EBAG9: variants seen among roughly 807,000 people sequenced by gnomAD.
EBAG9 encodes receptor-binding cancer antigen expressed on SiSo cells.
Under a neutral mutation model 30.9 loss-of-function variants are expected in EBAG9, and 16 were observed. The observed-to-expected ratio is 0.52, with a 90% CI of 0.35 to 0.79. The LOEUF is 0.79. EBAG9 is among the 30% of genes least tolerant of loss of function. EBAG9 has a pLI of 0.01. For missense variants in EBAG9, 197 were observed against 242.1 expected (o/e 0.81, Z 1.24); for synonymous variants, 93 against 82.8 (o/e 1.12, Z -0.67).
chr8:109,558,005 C>T (rs755495138), intron 5 of EBAG9: 1 of 169,812 alleles, frequency 5.9e-6, no homozygotes, highest in Non-Finnish European at 1.3e-5. Context: ...ATAAGTGATA[C>T]ACTGTCACTT....
chr8:109,564,358 G>A, intron 6 of EBAG9, 81 bp from the exon 7 acceptor site: 7 of 1,518,884 alleles, frequency 4.6e-6, no homozygotes, highest in Non-Finnish European at 5.3e-6. Flanking sequence ...TAATAAAAAG[G>A]CACTGCTATT....
intron 1 of EBAG9, among the ~76,000 whole-genome samples, chr8:109,548,929 C>A (rs1287904896): frequency 1.5e-5 from 2 of 135,492 alleles, no homozygotes; most frequent in Non-Finnish European, 3.1e-5. Flanking sequence ...GCCAGAACTT[C>A]CACTACGATG....
chr8:109,539,735 G>A (rs1348160514), upstream of EBAG9: 1 of 152,460 alleles, frequency 6.6e-6, no homozygotes. Context: ...CATGGCAGCT[G>A]CGCAGAGGCA....
chr8:109,544,589 T>C (rs1462188123), intron 1 of EBAG9, among the ~76,000 whole-genome samples: 3 of 152,264 alleles, frequency 2.0e-5, no homozygotes, highest in East Asian at 1.9e-4. Context: ...TCTGAATACA[T>C]AGTAATTCTC....
rs773684977 is a variant in EBAG9 at position 109,553,914 on chromosome 8, A to G, written c.133A>G (p.Thr45Ala). 1.9e-6 allele frequency: 3 copies of G among 1,609,560 alleles called. No homozygotes were observed. The highest frequency in any genetic ancestry group is 2.2e-5 in the South Asian group (2 of 89,446). The change falls in exon 3 of 7, where the codon ACA (threonine) becomes GCA (alanine). Residue 45 changes from threonine (T) to alanine (A), a missense_variant. By Grantham distance (58) the Thr-to-Ala change is moderately conservative. Transcript: ENST00000337573. Reference sequence around the variant, plus strand: ...TGGAGACCAAATAACTTTGCCAACTACAGTTGATTATTCATCAGTTCCTAA... The same window carrying G: ...TGGAGACCAAATAACTTTGCCAACTGCAGTTGATTATTCATCAGTTCCTAA... ...LSGDQITLPTTVDYSSVPKQT... is the reference protein window; with the variant it reads ...LSGDQITLPTAVDYSSVPKQT...
chr8:109,547,707 C>T (rs1249798069), intron 1 of EBAG9, among the ~76,000 whole-genome samples: 2 of 152,056 alleles, frequency 1.3e-5, no homozygotes, highest in African/African-American at 4.8e-5. Flanking sequence ...GTCTTGATCT[C>T]CTGACCTCGT....
intron 3 of EBAG9, 131 bp downstream of exon 3, chr8:109,554,074 A>G (rs1821548620): frequency 5.0e-6 from 3 of 599,124 alleles, no homozygotes; most frequent in Non-Finnish European, 8.1e-6. Context: ...TGTTAAATTT[A>G]TCTGGTCTGA....
chr8:109,540,565 C>T (rs569196369), intron 1 of EBAG9, 104 bp downstream of exon 1: 1 of 152,102 alleles, frequency 6.6e-6, no homozygotes, highest in Non-Finnish European at 1.5e-5. Context: ...GACCTTACTC[C>T]GCCTTCGGAA....
intron 6 of EBAG9, among the ~76,000 whole-genome samples, chr8:109,562,461 A>G (rs897213481): frequency 2.6e-5 from 4 of 152,024 alleles, no homozygotes; most frequent in Non-Finnish European, 5.9e-5. Context: ...GTGTCAGTAC[A>G]TTGTTACTGC....
chr8:109,551,677 T>A (rs1012706594), intron 2 of EBAG9, among the ~76,000 whole-genome samples: 1 of 152,188 alleles, frequency 6.6e-6, no homozygotes, highest in Non-Finnish European at 1.5e-5. Flanking sequence ...TGTTTACTTA[T>A]ATTTTTGGTG....
intron 1 of EBAG9, among the ~76,000 whole-genome samples, chr8:109,543,051 A>G (rs1253179175): frequency 1.4e-5 from 2 of 147,568 alleles, no homozygotes; most frequent in Non-Finnish European, 3.0e-5. Context: ...TTGTTGCATG[A>G]TTTGAACTTG....
At position 109,554,772 on chromosome 8, in the gene EBAG9, C is replaced by T. The variant is rs766194141; in HGVS notation, c.206C>T (p.Thr69Ile). The T allele has an allele frequency of 5.6e-6, 9 of 1,613,442 alleles. No individual in the cohort carries two copies. Among genetic ancestry groups the T allele is most frequent in the Non-Finnish European group, 7.6e-6 (9 of 1,179,744 alleles). Residue 69 changes from threonine to isoleucine, a missense_variant, in exon 4 of 7, where the codon ACC becomes ATC. Coordinates refer to ENST00000337573, the MANE Select transcript of EBAG9 (RefSeq NM_004215.5). ...ACTTCCTGGGATGAAGATGCACCCA[C>T]CAGTGTAAAGATCGAAGGAGGGAAT... ...EWTSWDEDAP[T>I]SVKIEGGNGN...
At chr8:109,554,079 G>A (rs1821548684) in intron 3 of EBAG9, 136 bp downstream of exon 3, 1 of 580,066 alleles carries the variant, frequency 1.7e-6, no homozygotes, top group Non-Finnish European at 2.8e-6. Context: ...AATTTATCTG[G>A]TCTGAAAATT....
intron 2 of EBAG9, among the ~76,000 whole-genome samples, chr8:109,553,318 CA>C (rs749854405): frequency 2.0e-5 from 3 of 152,196 alleles, no homozygotes; most frequent in Non-Finnish European, 2.9e-5. Context: ...CTGTGGTTTA[CA>C]CAGATTCCAC....
At chr8:109,559,592 A>T (rs1186306367) in intron 5 of EBAG9, among the ~76,000 whole-genome samples, 1 of 152,168 alleles carries the variant, frequency 6.6e-6, no homozygotes, top group Non-Finnish European at 1.5e-5. Flanking sequence ...CAGGAGGATC[A>T]CTTGAGTTCA....
intron 2 of EBAG9, among the ~76,000 whole-genome samples, chr8:109,551,498 A>G (rs1474564195): frequency 1.3e-5 from 2 of 152,154 alleles, no homozygotes; most frequent in African/African-American, 4.8e-5. Context: ...GAGGCACCTC[A>G]GGGCTTTACA....
intron 6 of EBAG9, among the ~76,000 whole-genome samples, chr8:109,562,665 G>A (rs145454226): frequency 9.2e-5 from 14 of 151,664 alleles, no homozygotes; most frequent in East Asian, 1.9e-4. Flanking sequence ...CAGCTATCTC[G>A]TAAGTTGTCT....
At position 109,554,782 on chromosome 8, in the gene EBAG9, G is replaced by C. The variant is rs1821563235; in HGVS notation, c.216G>C (p.Lys72Asn). The C allele has an allele frequency of 6.2e-7, 1 of 1,613,654 alleles. No individual in the cohort carries two copies. Residue 72 changes from lysine to asparagine, a missense_variant, in exon 4 of 7, where the codon AAG becomes AAC. Transcript: ENST00000337573. ...SWDEDAPTSV[K>N]IEGGNGNVAT... Reference sequence around the variant, plus strand: ...ATGAAGATGCACCCACCAGTGTAAAGATCGAAGGAGGGAATGGGAATGTGG... The same window carrying C: ...ATGAAGATGCACCCACCAGTGTAAACATCGAAGGAGGGAATGGGAATGTGG...
chr8:109,560,943 A>G lies in EBAG9; in HGVS notation c.521+14A>G, dbSNP rs1821698975. On this transcript the variant is annotated intron_variant, in intron 6 of 6. Coordinates refer to ENST00000337573, the MANE Select transcript of EBAG9 (RefSeq NM_004215.5). ...AGAAGTTCTGAGGTATTTGAGTGGC[A>G]TTTATATTGCAACCTGAGTAGAAGA... 1.2e-6 allele frequency: 2 copies of G among 1,605,604 alleles called. No individual in the cohort carries two copies. The highest frequency in any genetic ancestry group is 1.7e-6 in the Non-Finnish European group (2 of 1,173,450).
Sources: gnomAD v4.1 joint callset for allele counts (sites outside exome capture counted in the v4.1 genomes callset) on GRCh38, gnomAD v4.1.1 for gene constraint, MANE v1.5 for transcripts, NCBI Gene and HGNC (gene_info 2026-07-23, HGNC 2026-07-21) for gene names.